The following TFDP2 variants were observed in gnomAD, a reference collection of about 807,000 sequenced individuals.
TFDP2 encodes transcription factor Dp-2 (E2F dimerization partner 2).
Under a neutral mutation model 59.3 loss-of-function variants are expected in TFDP2, and 17 were observed. The ratio of observed to expected loss-of-function variants is 0.29; its 90% CI spans 0.20 to 0.43. The LOEUF (loss-of-function observed/expected upper bound fraction) is 0.43, where lower values mean the gene tolerates loss of function less well. TFDP2 is among the 20% of genes least tolerant of loss of function. The probability of loss-of-function intolerance (pLI) is 1.00; values close to 1 mark genes in which losing one functional copy is unlikely to be tolerated. For missense variants in TFDP2, 391 were observed against 528.8 expected, an observed-to-expected ratio of 0.74 and a Z score of 2.56; for synonymous variants, 180 against 194.7, an observed-to-expected ratio of 0.92 and a Z score of 0.63.
intron 3 of TFDP2, among the ~76,000 whole-genome samples, chr3:142,038,559 C>T (rs999111773): frequency 1.3e-5 from 2 of 151,958 alleles, no homozygotes; most frequent in Non-Finnish European, 2.9e-5. Context: ...AAAAAGATTT[C>T]GTTTTTAAAT....
At chr3:142,008,841 T>C (rs1944423402) in intron 3 of TFDP2, among the ~76,000 whole-genome samples, 1 of 152,174 alleles carries the variant, frequency 6.6e-6, no homozygotes, top group Non-Finnish European at 1.5e-5. Flanking sequence ...TGTATGTATG[T>C]GTGTATATTT....
rs1576429954 is a variant in TFDP2 at position 141,951,233 on chromosome 3, G to A, written c.*1280C>T. 1 of 152,020 alleles carries A rather than the reference G, an allele frequency of 6.6e-6. No individual in the cohort carries two copies. The highest frequency in any genetic ancestry group is 2.1e-4 in the South Asian group (1 of 4,794). 9.4% of individuals were successfully genotyped at this position (152,020 alleles called of 1,614,324 possible). ...TAATGTGAAATTCAGTCAGGGTCTG[G>A]CCATGGTGGCAGGTGTCCCTACACT... On this transcript the variant is annotated 3_prime_UTR_variant, in exon 13 of 13. Transcript: ENST00000489671.
intron 3 of TFDP2, among the ~76,000 whole-genome samples, chr3:142,081,991 G>A (rs2060653794): frequency 6.6e-6 from 1 of 152,160 alleles, no homozygotes; most frequent in Admixed American, 6.5e-5. Flanking sequence ...GTACTGGTCC[G>A]TGGCCTGTTA....
chr3:142,016,199 C>T (rs1945121522), intron 3 of TFDP2, among the ~76,000 whole-genome samples: 1 of 150,670 alleles, frequency 6.6e-6, no homozygotes, highest in Non-Finnish European at 1.5e-5. Context: ...GATGGGGTTT[C>T]ACTATGTTGG....
At chr3:141,982,024 C>T (rs1419629097) in intron 6 of TFDP2, among the ~76,000 whole-genome samples, 1 of 152,150 alleles carries the variant, frequency 6.6e-6, no homozygotes, top group African/African-American at 2.4e-5. Flanking sequence ...TCCTAATCAG[C>T]ACTGTCCAAT....
At chr3:141,953,045 T>A in intron 11 of TFDP2, 29 bp from the exon 12 acceptor site, 1 of 1,552,056 alleles carries the variant, frequency 6.4e-7, no homozygotes. Flanking sequence ...ACAAAAAATG[T>A]CGGTCCTGCA....
intron 3 of TFDP2, among the ~76,000 whole-genome samples, chr3:142,069,614 T>A (rs1000295753): frequency 2.0e-5 from 3 of 151,978 alleles, no homozygotes; most frequent in Admixed American, 1.3e-4. Context: ...CCTTTCCTTT[T>A]TTTTTTTTTG....
At chr3:142,112,235 A>C (rs1057015253) in intron 1 of TFDP2, among the ~76,000 whole-genome samples, 1 of 152,222 alleles carries the variant, frequency 6.6e-6, no homozygotes, top group African/African-American at 2.4e-5. Flanking sequence ...GTAATTCTTC[A>C]GTAACTGAAA....
intron 1 of TFDP2, among the ~76,000 whole-genome samples, chr3:142,132,343 T>G (rs2062547363): frequency 6.7e-6 from 1 of 150,070 alleles, no homozygotes; most frequent in African/African-American, 2.5e-5. Flanking sequence ...GTATGGGGTT[T>G]TTTTAAGAGT....
intron 7 of TFDP2, among the ~76,000 whole-genome samples, chr3:141,974,907 C>T (rs372692064): frequency 2.2e-5 from 2 of 90,480 alleles, no homozygotes; most frequent in African/African-American, 9.2e-5. Context: ...TCTTCTTCTT[C>T]TTTTTTTTTT....
intron 1 of TFDP2, among the ~76,000 whole-genome samples, chr3:142,141,076 C>T (rs541324784): frequency 6.6e-5 from 10 of 152,292 alleles, no homozygotes; most frequent in South Asian, 2.1e-4. Flanking sequence ...TCAGCAATGG[C>T]GGACACCCCT....
chr3:142,133,293 T>C (rs74450127), intron 1 of TFDP2, among the ~76,000 whole-genome samples: 1 of 150,086 alleles, frequency 6.7e-6, no homozygotes, highest in African/African-American at 2.5e-5. Flanking sequence ...CACAGCTCAC[T>C]GCAGACTTGA....
chr3:142,089,072 A>AC (rs1342815251), intron 3 of TFDP2, among the ~76,000 whole-genome samples: 2 of 151,648 alleles, frequency 1.3e-5, no homozygotes, highest in Admixed American at 1.3e-4. Flanking sequence ...CAGGTGTTCC[A>AC]CCCCCCTCAG....
intron 1 of TFDP2, among the ~76,000 whole-genome samples, chr3:142,113,277 T>A (rs1244727637): frequency 2.1e-5 from 3 of 140,156 alleles, no homozygotes; most frequent in East Asian, 2.0e-4. Flanking sequence ...TTATTTATTT[T>A]GAGATGGAAT....
intron 2 of TFDP2, among the ~76,000 whole-genome samples, chr3:142,098,564 A>G (rs2061234484): frequency 6.6e-6 from 1 of 151,928 alleles, no homozygotes; most frequent in Non-Finnish European, 1.5e-5. Context: ...ATCTCCACGG[A>G]GTTTAAGCAA....
intron 1 of TFDP2, among the ~76,000 whole-genome samples, chr3:142,132,973 A>T (rs1051903431): frequency 9.3e-5 from 14 of 149,898 alleles, no homozygotes; most frequent in Non-Finnish European, 1.9e-4. Flanking sequence ...AATACTAACA[A>T]ACCATTTTAT....
chr3:142,005,478 G>C lies in TFDP2; in HGVS notation c.149C>G (p.Thr50Ser), dbSNP rs764603040. 1 of 1,612,092 alleles carries C rather than the reference G, an allele frequency of 6.2e-7. No individual in the cohort carries two copies. The highest frequency in any genetic ancestry group is 1.1e-5 in the South Asian group (1 of 90,732). ...AACATTCACATTTATTGGTCCTAAGGTTTTTGGTAAAATCTTTGTAGGTGA... is the reference window on the plus strand; with the variant it reads ...AACATTCACATTTATTGGTCCTAAGCTTTTTGGTAAAATCTTTGTAGGTGA... ...TNSPTKILPK[T>S]LGPINVNVGP... The change falls in exon 4 of 13, where the codon ACC becomes AGC. Residue 50 changes from threonine (T) to serine (S), a missense_variant. Around this residue, in one of 3 missense-constraint regions of TFDP2, gnomAD observed 162 missense variants for 206.8 expected, o/e 0.78. Coordinates refer to ENST00000489671, the MANE Select transcript of TFDP2 (RefSeq NM_001178139.2).
chr3:142,027,687 C>T (rs570922750), intron 3 of TFDP2, among the ~76,000 whole-genome samples: 2 of 152,226 alleles, frequency 1.3e-5, no homozygotes, highest in South Asian at 4.1e-4. Flanking sequence ...ATAGAATATA[C>T]GTTGTAACTA....
chr3:141,965,750 T>C (rs1047898114), intron 9 of TFDP2, among the ~76,000 whole-genome samples: 1 of 152,140 alleles, frequency 6.6e-6, no homozygotes, highest in Admixed American at 6.5e-5. Context: ...TAGACCTAAG[T>C]GTGTCCAAAA....
Sources: allele counts gnomAD v4.1 joint callset (sites outside exome capture counted in the v4.1 genomes callset), GRCh38; gene constraint gnomAD v4.1.1; regional missense constraint gnomAD v4.1.1; transcripts MANE v1.5; gene names NCBI Gene and HGNC (gene_info 2026-07-23, HGNC 2026-07-21).